The following NPHP4 variants were observed in gnomAD, a reference collection of about 807,000 sequenced individuals.
NPHP4 encodes the protein nephrocystin 4, also known as nephrocystin-4.
In NPHP4, 151 loss-of-function variants were observed where a neutral mutation model predicts 155.8. The ratio of observed to expected loss-of-function variants is 0.97; its 90% CI spans 0.85 to 1.11. The LOEUF is 1.11. Among genes scored for constraint, NPHP4 ranks in the 50% least tolerant of loss-of-function variants. The pLI is 0.00. For synonymous variants in NPHP4, 845 were observed against 816.8 expected, an observed-to-expected ratio of 1.03 and a Z score of -0.59; for missense variants, 1,956 against 1,925.7, an observed-to-expected ratio of 1.02 and a Z score of -0.29.
intron 18 of NPHP4, 140 bp from the exon 19 acceptor site, chr1:5,880,379 T>C (rs1643152250): frequency 1.3e-6 from 1 of 797,740 alleles, no homozygotes. Flanking sequence ...CGCCTCTGTT[T>C]TGAATGTTTT....
chr1:5,896,667 C>T (rs1005577829), intron 16 of NPHP4, among the ~76,000 whole-genome samples: 1 of 152,158 alleles, frequency 6.6e-6, no homozygotes, highest in Non-Finnish European at 1.5e-5. Flanking sequence ...TTTACATTTT[C>T]CCAGCTCTTC....
At chr1:5,936,546 G>A (rs1013645984) in intron 9 of NPHP4, among the ~76,000 whole-genome samples, 2 of 150,774 alleles carry the variant, frequency 1.3e-5, no homozygotes, top group South Asian at 2.1e-4. Flanking sequence ...CAAATACACC[G>A]AATTGCTCCC....
intron 9 of NPHP4, 71 bp from the exon 10 acceptor site, chr1:5,933,400 T>G: frequency 8.1e-7 from 1 of 1,240,314 alleles, no homozygotes; most frequent in Non-Finnish European, 1.2e-6. Flanking sequence ...AAATCAACAG[T>G]GCTTTCATGT....
At chr1:5,866,246 C>T (rs1365613562) in intron 26 of NPHP4, 127 bp downstream of exon 26, 2 of 729,188 alleles carry the variant, frequency 2.7e-6, no homozygotes, top group African/African-American at 3.5e-5. Context: ...CCTCACAAAG[C>T]GAAGGCCCGA....
chr1:5,864,252 C>T (rs1487590858), intron 28 of NPHP4, 86 bp downstream of exon 28: 10 of 1,341,498 alleles, frequency 7.5e-6, no homozygotes, highest in East Asian at 5.0e-5. Context: ...TCCAGTGGTC[C>T]GAGTCACAGG....
intron 11 of NPHP4, among the ~76,000 whole-genome samples, chr1:5,926,220 A>G (rs1312466872): frequency 7.2e-5 from 11 of 152,242 alleles, no homozygotes; most frequent in African/African-American, 2.7e-4. Context: ...AAACAAAACA[A>G]TTAAAACCAT....
chr1:5,965,687 C>T (rs917492783), intron 5 of NPHP4, among the ~76,000 whole-genome samples: 25 of 152,212 alleles, frequency 1.6e-4, no homozygotes, highest in African/African-American at 5.8e-4. Flanking sequence ...CATGCCCCGG[C>T]CCATGCTAAC....
chr1:5,863,214 C>T lies in NPHP4; in HGVS notation c.*51G>A. The stretch of plus-strand genomic sequence containing the variant: ...AGGACAGCCTGCAGGGCAGGAGGGG[C>T]ACAGACAGGCCCCAGCTGGGTGCCG... On this transcript the variant is annotated 3_prime_UTR_variant, in exon 30 of 30. Transcript: ENST00000378156. The T allele has an allele frequency of 1.9e-6, 3 of 1,606,316 alleles. No individual in the cohort carries two copies. Among genetic ancestry groups the T allele is most frequent in the Non-Finnish European group, 2.6e-6 (3 of 1,173,524 alleles).
At chr1:5,943,955 T>C (rs796295946) in intron 9 of NPHP4, among the ~76,000 whole-genome samples, 53 of 152,040 alleles carry the variant, frequency 3.5e-4, no homozygotes, top group African/African-American at 1.2e-3. Context: ...AGCGATAAAT[T>C]GGGGGTTGGA....
intron 19 of NPHP4, among the ~76,000 whole-genome samples, chr1:5,878,249 C>T (rs1047062589): frequency 6.6e-6 from 1 of 152,210 alleles, no homozygotes; most frequent in Non-Finnish European, 1.5e-5. Context: ...TGGACAGCAA[C>T]GTGACCCCCG....
Position 5,905,066 on chromosome 1 carries a change from G to A in NPHP4, c.1955+226C>T, listed in dbSNP as rs956436795. On this transcript the variant is annotated intron_variant, in intron 15 of 29. Transcript: ENST00000378156. The surrounding 1 kb of genome is among the most constrained non-coding windows in gnomAD (Gnocchi z 4.0). ...AGATCTAAGACCTGGACAACCCACCGTCCACATTTTAATGAAGGACCACAA... is the reference window on the plus strand; with the variant it reads ...AGATCTAAGACCTGGACAACCCACCATCCACATTTTAATGAAGGACCACAA... 5.3e-5 allele frequency among the ~76,000 whole-genome samples: 8 copies of A among 152,274 alleles called. No individual in the cohort carries two copies. The highest frequency in any genetic ancestry group is 3.9e-4 in the East Asian group (2 of 5,186).
rs1642373877 is a variant in NPHP4, at chr1:5,874,635, A to G, written c.3067T>C (p.Trp1023Arg). 2 of 1,611,290 alleles carry G rather than the reference A, an allele frequency of 1.2e-6. No individual in the cohort carries two copies. The highest frequency in any genetic ancestry group is 2.7e-5 in the African/African-American group (2 of 74,604). ...CCAGCAGCACCCTTGAAGTCCCTCC[A>G]CTCCTGACTGTCCACGATGACGCTG... ...ELSVIVDSQE[W>R]RDFKGAAGLH... The change falls in exon 22 of 30, where the codon TGG (tryptophan) becomes CGG (arginine). Residue 1023 changes from tryptophan (W) to arginine (R), a missense_variant. Coordinates refer to ENST00000378156, the MANE Select transcript of NPHP4 (RefSeq NM_015102.5).
At position 5,868,285 on chromosome 1, in the gene NPHP4, G is replaced by A. The variant is rs1641483371; in HGVS notation, c.3316-389C>T. ...GCAAGTCAGGCCAGGAGGTCCTGGA[G>A]TGGGTGGTGGCAGGGCCAAGTTCGC... On this transcript the variant is annotated intron_variant, in intron 23 of 29. Coordinates refer to ENST00000378156, the MANE Select transcript of NPHP4 (RefSeq NM_015102.5). The A allele has an allele frequency of 5.7e-6, 2 of 349,732 alleles. 1 individual carries two copies. The highest frequency in any genetic ancestry group is 4.5e-5 in the South Asian group (2 of 44,668). 21.7% of individuals were successfully genotyped at this position (349,732 alleles called of 1,614,324 possible). A position where few individuals can be genotyped will look rare whatever the true frequency, so the allele number is the denominator to read the frequency against.
chr1:5,883,705 T>C (rs965774879), intron 18 of NPHP4, among the ~76,000 whole-genome samples: 4 of 152,236 alleles, frequency 2.6e-5, no homozygotes, highest in Non-Finnish European at 5.9e-5. Flanking sequence ...GAATGCTCCA[T>C]AGCTTTCTCG....
intron 5 of NPHP4, among the ~76,000 whole-genome samples, chr1:5,963,344 G>A (rs1178306525): frequency 6.6e-6 from 1 of 151,952 alleles, no homozygotes; most frequent in Middle Eastern, 3.4e-3. Context: ...GCAGTGAGCC[G>A]AGATTGCACC....
In NPHP4 at chr1:5,990,381, A is replaced by G. The variant is rs895604744; in HGVS notation, c.-39+1863T>C. Reference sequence around the variant, plus strand: ...GGGCCTTTGGGGCCAAATCAACAATAAAAGAGAAAATCGAGAAGGCTCCAG... The same window carrying G: ...GGGCCTTTGGGGCCAAATCAACAATGAAAGAGAAAATCGAGAAGGCTCCAG... On this transcript the variant is annotated intron_variant, in intron 1 of 29. Coordinates refer to ENST00000378156, the MANE Select transcript of NPHP4 (RefSeq NM_015102.5). 3.3e-5 allele frequency among the ~76,000 whole-genome samples: 5 copies of G among 152,124 alleles called. No individual in the cohort carries two copies. In the East Asian group the frequency reaches 9.6e-4, roughly 29 times the overall value.
chr1:5,904,369 T>C (rs945459514), intron 16 of NPHP4, among the ~76,000 whole-genome samples: 4 of 152,234 alleles, frequency 2.6e-5, no homozygotes, highest in Non-Finnish European at 5.9e-5. Context: ...CATAAGGAAA[T>C]ATTCATACAT....
In NPHP4 at chr1:5,863,420, C is replaced by T; in HGVS notation, c.4141-15G>A. The T allele has an allele frequency of 6.2e-7, 1 of 1,611,444 alleles. No individual in the cohort carries two copies. The highest frequency in any genetic ancestry group is 1.1e-5 in the South Asian group (1 of 91,028). Reference sequence around the variant, plus strand: ...CCACCCCCGACCTGGAAATAAGCATCCAAATCCCAGCATCCACCCCCGGGC... The same window carrying T: ...CCACCCCCGACCTGGAAATAAGCATTCAAATCCCAGCATCCACCCCCGGGC... On this transcript the variant is annotated splice_polypyrimidine_tract_variant and intron_variant, in intron 29 of 29. Coordinates refer to ENST00000378156, the MANE Select transcript of NPHP4 (RefSeq NM_015102.5).
chr1:5,894,334 GC>G (rs1283718316), intron 16 of NPHP4, among the ~76,000 whole-genome samples: 1 of 151,964 alleles, frequency 6.6e-6, no homozygotes, highest in African/African-American at 2.4e-5. Context: ...CATGCCTGTA[GC>G]CCCAGCTACT....
Sources: allele counts gnomAD v4.1 joint callset (sites outside exome capture counted in the v4.1 genomes callset), GRCh38; gene constraint gnomAD v4.1.1; non-coding constraint Gnocchi (gnomAD v3.1); transcripts MANE v1.5; gene names NCBI Gene and HGNC (gene_info 2026-07-23, HGNC 2026-07-21).